The following NAALADL2 variants were observed in gnomAD, a reference collection of about 807,000 sequenced individuals.
NAALADL2 encodes the protein inactive N-acetylated-alpha-linked acidic dipeptidase-like protein 2.
Under a neutral mutation model 87.2 loss-of-function variants are expected in NAALADL2, and 76 were observed. The observed-to-expected ratio is 0.87, with a 90% CI of 0.72 to 1.05. The LOEUF (loss-of-function observed/expected upper bound fraction) is 1.05, where lower values mean the gene tolerates loss of function less well. NAALADL2 is among the 50% of genes least tolerant of loss of function. The pLI, the probability that NAALADL2 is intolerant of heterozygous loss-of-function variation, is 0.00. For missense variants in NAALADL2, 1,089 were observed against 945.8 expected (o/e 1.15, Z -1.99); for synonymous variants, 354 against 331.0 (o/e 1.07, Z -0.75).
At chr3:175,396,360 C>G (rs1769783964) in intron 5 of NAALADL2, among the ~76,000 whole-genome samples, 1 of 151,890 alleles carries the variant, frequency 6.6e-6, no homozygotes, top group African/African-American at 2.4e-5. Flanking sequence ...TTAAAAATGC[C>G]AAGATTTTTA....
At chr3:174,797,193 G>C (rs1382847974) in intron 3 of NAALADL2, among the ~76,000 whole-genome samples, 4 of 151,518 alleles carry the variant, frequency 2.6e-5, no homozygotes, top group Admixed American at 2.0e-4. Flanking sequence ...AATTTTCCCA[G>C]CACCATCTAT....
At chr3:175,069,583 C>G (rs1423438387) in intron 1 of NAALADL2, among the ~76,000 whole-genome samples, 4 of 150,490 alleles carry the variant, frequency 2.7e-5, no homozygotes, top group East Asian at 2.0e-4. Context: ...ACTAGTTCAA[C>G]CATTGTGGAA....
upstream of NAALADL2, among the ~76,000 whole-genome samples, chr3:174,854,843 T>C (rs994401529): frequency 6.9e-5 from 10 of 144,964 alleles, no homozygotes; most frequent in South Asian, 4.4e-4. Flanking sequence ...TTCTTTTTTT[T>C]TTTTTTTTTT....
At chr3:175,683,271 G>A (rs960253217) in intron 11 of NAALADL2, among the ~76,000 whole-genome samples, 2 of 151,870 alleles carry the variant, frequency 1.3e-5, no homozygotes, top group South Asian at 2.1e-4. Context: ...GTTAGATTGT[G>A]GTTCAATTGT....
At position 174,487,976 on chromosome 3, in the gene NAALADL2, G is replaced by T. The variant is rs1717960113; in HGVS notation, c.-184+46944G>T. On this transcript the variant is annotated intron_variant, in intron 1 of 3. Coordinates refer to the NAALADL2 transcript ENST00000434257. Reference sequence around the variant, plus strand: ...GATTAGTTTGGAAGACATTAAAATTGTCAAGTTTATGAGTAATGATGAACT... The same window carrying T: ...GATTAGTTTGGAAGACATTAAAATTTTCAAGTTTATGAGTAATGATGAACT... Among the ~76,000 whole-genome samples, 2 of 151,936 alleles carry T rather than the reference G, an allele frequency of 1.3e-5. 1 individual carries two copies. Among genetic ancestry groups the T allele is most frequent in the Non-Finnish European group, 2.9e-5 (2 of 67,944 alleles).
At chr3:175,008,100 G>A (rs1476515397) in intron 1 of NAALADL2, among the ~76,000 whole-genome samples, 3 of 152,086 alleles carry the variant, frequency 2.0e-5, no homozygotes, top group Non-Finnish European at 4.4e-5. Flanking sequence ...TGCTTGCCCT[G>A]GGTGCAGTCT....
intron 11 of NAALADL2, among the ~76,000 whole-genome samples, chr3:175,649,265 A>G (rs1730427036): frequency 6.6e-6 from 1 of 152,222 alleles, no homozygotes; most frequent in Non-Finnish European, 1.5e-5. Context: ...AAAGATAAAG[A>G]AAACATAAAA....
At position 175,804,730 on chromosome 3, in the gene NAALADL2, A is replaced by C. The variant is rs932646543; in HGVS notation, c.*1527A>C. Reference sequence around the variant, plus strand: ...TAGTCTTAGTTTAAAGGCAAACTAAAGTTGAGGGGAAATAATTAATCAATA... The same window carrying C: ...TAGTCTTAGTTTAAAGGCAAACTAACGTTGAGGGGAAATAATTAATCAATA... On this transcript the variant is annotated 3_prime_UTR_variant, in exon 14 of 14. Transcript: ENST00000454872. 1.3e-5 allele frequency: 2 copies of C among 151,804 alleles called. No homozygotes were observed. Among genetic ancestry groups the C allele is most frequent in the African/African-American group, 4.8e-5 (2 of 41,378 alleles). 9.4% of individuals were successfully genotyped at this position (151,804 alleles called of 1,614,324 possible).
chr3:175,314,070 C>A (rs535796519), intron 4 of NAALADL2, among the ~76,000 whole-genome samples: 3 of 111,798 alleles, frequency 2.7e-5, no homozygotes, highest in African/African-American at 1.1e-4. Context: ...GAGACTCCAT[C>A]TCAAAAAAAA....
rs183045852 is a variant in NAALADL2, at chr3:174,775,272, C to T, written c.-9+37526C>T. On this transcript the variant is annotated intron_variant, in intron 3 of 3. Transcript: ENST00000434257. ...TTTCTCACCTCCCCTAAAAAAAATC[C>T]CACATCCATTAGCAGTCACTCCCCA... is the stretch of plus-strand genomic sequence containing the variant. 2.4e-3 allele frequency among the ~76,000 whole-genome samples: 344 copies of T among 140,992 alleles called. 2 individuals are homozygous for T. The highest frequency in any genetic ancestry group is 6.3e-3 in the South Asian group (28 of 4,470). The allele number at this position is 140,992 out of a possible 152,430, so 92.5% of individuals were successfully genotyped here.
At chr3:175,544,839 G>T (rs1253198593) in intron 9 of NAALADL2, among the ~76,000 whole-genome samples, 2 of 151,926 alleles carry the variant, frequency 1.3e-5, no homozygotes, top group Middle Eastern at 3.4e-3. Context: ...CTATGTTATG[G>T]GCTATCTAGA....
intron 2 of NAALADL2, among the ~76,000 whole-genome samples, chr3:174,701,889 T>A (rs1729585551): frequency 6.6e-6 from 1 of 152,228 alleles, no homozygotes; most frequent in Non-Finnish European, 1.5e-5. Context: ...ACAAAAAAGA[T>A]GCTTTTAACA....
At chr3:175,202,964 C>T (rs889359796) in intron 2 of NAALADL2, among the ~76,000 whole-genome samples, 2 of 152,074 alleles carry the variant, frequency 1.3e-5, no homozygotes, top group African/African-American at 4.8e-5. Context: ...TTGCACCCAC[C>T]TTCCCCCGCC....
chr3:174,720,002 A>C (rs570861853), intron 2 of NAALADL2, among the ~76,000 whole-genome samples: 6 of 152,162 alleles, frequency 3.9e-5, no homozygotes, highest in Non-Finnish European at 7.4e-5. Context: ...GGGTTTCACC[A>C]TGTTGGCCAG....
intron 1 of NAALADL2, among the ~76,000 whole-genome samples, chr3:175,066,169 A>G (rs79434232): frequency 0.11 from 16,964 of 152,130 alleles, 1,078 homozygotes; most frequent in East Asian, 0.21. Context: ...GTGAAAGGAG[A>G]GGTTGATGAG....
At chr3:174,797,311 T>TC (rs1233447008) in intron 3 of NAALADL2, among the ~76,000 whole-genome samples, 3 of 95,900 alleles carry the variant, frequency 3.1e-5, no homozygotes, top group Non-Finnish European at 7.0e-5. Flanking sequence ...TTTTCTTTTT[T>TC]TTTTTTTTTT....
chr3:175,314,688 A>AGT (rs1367740377), intron 4 of NAALADL2, among the ~76,000 whole-genome samples: 2 of 39,610 alleles, frequency 5.0e-5, no homozygotes, highest in African/African-American at 1.5e-4. Context: ...ATATATATAT[A>AGT]TATATATATA....
intron 11 of NAALADL2, among the ~76,000 whole-genome samples, chr3:175,641,886 T>C (rs1729337580): frequency 2.0e-5 from 3 of 152,280 alleles, no homozygotes; most frequent in South Asian, 4.1e-4. Flanking sequence ...AAATGCCAGG[T>C]ATATTAGTTA....
At chr3:174,973,644 A>G (rs567456553) in intron 1 of NAALADL2, among the ~76,000 whole-genome samples, 2 of 152,316 alleles carry the variant, frequency 1.3e-5, no homozygotes, top group Admixed American at 6.5e-5. Flanking sequence ...TGCAAACATC[A>G]TAGAGTGTAC....
Sources: gnomAD v4.1 joint callset for allele counts (sites outside exome capture counted in the v4.1 genomes callset) on GRCh38, gnomAD v4.1.1 for gene constraint, MANE v1.5 for transcripts, NCBI Gene and HGNC (gene_info 2026-07-23, HGNC 2026-07-21) for gene names.